The following ATP13A5 variants were observed in gnomAD, a reference collection of about 807,000 sequenced individuals.
The protein encoded by ATP13A5 is probable cation-transporting ATPase 13A5.
ATP13A5 carries 149 observed loss-of-function variants against 150.2 expected under a neutral mutation model. The observed-to-expected ratio is 0.99, with a 90% confidence interval of 0.87 to 1.14. The LOEUF (loss-of-function observed/expected upper bound fraction) is 1.14, where lower values mean the gene tolerates loss of function less well. ATP13A5 is among the 50% of genes most tolerant of loss of function. ATP13A5 has a pLI of 0.00. For synonymous variants in ATP13A5, 497 were observed against 522.2 expected, an observed-to-expected ratio of 0.95 and a Z score of 0.66; for missense variants, 1,383 against 1,449.3, an observed-to-expected ratio of 0.95 and a Z score of 0.74.
intron 27 of ATP13A5, among the ~76,000 whole-genome samples, chr3:193,279,800 T>A (rs1717397652): frequency 6.6e-6 from 1 of 151,944 alleles, no homozygotes. Context: ...CCCCGTTGCC[T>A]GGAGAATAAA....
intron 25 of ATP13A5, among the ~76,000 whole-genome samples, chr3:193,290,345 C>A (rs1218857343): frequency 6.6e-6 from 1 of 151,996 alleles, no homozygotes; most frequent in Admixed American, 6.6e-5. Flanking sequence ...CCTCCATAAC[C>A]AGACTGACCA....
chr3:193,316,782 G>A (rs767915738), intron 17 of ATP13A5, among the ~76,000 whole-genome samples: 52 of 152,070 alleles, frequency 3.4e-4, no homozygotes, highest in Non-Finnish European at 6.3e-4. Flanking sequence ...ATTTCACTCT[G>A]TTATTTCCTT....
Position 193,337,250 on chromosome 3 carries a change from C to CATT in ATP13A5, c.944-2154_944-2152dup, listed in dbSNP as rs1204257577. Among the ~76,000 whole-genome samples, 4 of 152,306 alleles carry CATT rather than the reference C, an allele frequency of 2.6e-5. No individual in the cohort carries two copies. In the East Asian group the frequency reaches 7.7e-4, roughly 29 times the overall value. On this transcript the variant is annotated intron_variant, in intron 9 of 29. Coordinates refer to ENST00000342358, the MANE Select transcript of ATP13A5 (RefSeq NM_198505.4). ...GAAGCTCTTTAGTTTAATTAGATCT[C>CATT]ATTTGTCAATTTTGGCTTTTGTTGC...
chr3:193,346,818 C>T (rs1440321355), intron 7 of ATP13A5, among the ~76,000 whole-genome samples: 5 of 151,974 alleles, frequency 3.3e-5, no homozygotes, highest in Admixed American at 6.6e-5. Flanking sequence ...GTGGAAGAAG[C>T]GATAGTACTG....
intron 22 of ATP13A5, among the ~76,000 whole-genome samples, chr3:193,305,905 G>C (rs142065356): frequency 3.6e-4 from 55 of 152,188 alleles, no homozygotes; most frequent in African/African-American, 1.3e-3. Context: ...ATGCGTGTGT[G>C]CATGTGGGCA....
At chr3:193,342,685 A>G (rs920911508) in intron 9 of ATP13A5, among the ~76,000 whole-genome samples, 2 of 152,132 alleles carry the variant, frequency 1.3e-5, no homozygotes, top group Non-Finnish European at 2.9e-5. Flanking sequence ...GGCAAGTTCT[A>G]TACACCCGCT....
At chr3:193,308,890 T>A (rs2108848613) in intron 21 of ATP13A5, among the ~76,000 whole-genome samples, 1 of 152,382 alleles carries the variant, frequency 6.6e-6, no homozygotes, top group Non-Finnish European at 1.5e-5. Context: ...GTAATGATCA[T>A]GTGAATGAAA....
chr3:193,328,932 A>C (rs1202660468), intron 12 of ATP13A5, among the ~76,000 whole-genome samples: 1 of 152,198 alleles, frequency 6.6e-6, no homozygotes, highest in African/African-American at 2.4e-5. Flanking sequence ...ATTGTGGTTG[A>C]ATCTGCTTTT....
At chr3:193,365,009 T>C (rs757195143) in intron 1 of ATP13A5, among the ~76,000 whole-genome samples, 25 of 152,308 alleles carry the variant, frequency 1.6e-4, no homozygotes, top group Non-Finnish European at 2.6e-4. Context: ...GATTTGCTTA[T>C]TGAAGGCCAA....
intron 1 of ATP13A5, among the ~76,000 whole-genome samples, chr3:193,368,439 T>C (rs4569588): frequency 0.94 from 142,506 of 151,458 alleles, 67,080 homozygotes; most frequent in East Asian, 0.97. Flanking sequence ...GACAACTTGG[T>C]TCTAAAATTG....
At chr3:193,351,957 G>A (rs1460898646) in intron 6 of ATP13A5, among the ~76,000 whole-genome samples, 1 of 152,190 alleles carries the variant, frequency 6.6e-6, no homozygotes, top group African/African-American at 2.4e-5. Context: ...GGGCAAACCT[G>A]AGAAGCCAGA....
At chr3:193,321,962 A>G (rs1719297198) in intron 15 of ATP13A5, 125 bp from the exon 16 acceptor site, 5 of 1,145,318 alleles carry the variant, frequency 4.4e-6, no homozygotes. Flanking sequence ...ATTTGTCACA[A>G]CATTGATTTT....
chr3:193,349,366 C>A (rs1443957706), intron 7 of ATP13A5, among the ~76,000 whole-genome samples: 2 of 152,042 alleles, frequency 1.3e-5, no homozygotes, highest in Admixed American at 6.6e-5. Context: ...AGATATGGAA[C>A]CTGAATGTTT....
At chr3:193,283,967 A>C (rs1276615586) in intron 27 of ATP13A5, among the ~76,000 whole-genome samples, 1 of 150,272 alleles carries the variant, frequency 6.7e-6, no homozygotes, top group Non-Finnish European at 1.5e-5. Flanking sequence ...CAGTCTGATC[A>C]GTAATGATGG....
intron 12 of ATP13A5, among the ~76,000 whole-genome samples, chr3:193,328,848 T>G (rs573099005): frequency 1.3e-5 from 2 of 152,234 alleles, no homozygotes; most frequent in African/African-American, 4.8e-5. Context: ...ATTCAATTAA[T>G]GGCAGAGTGC....
intron 4 of ATP13A5, 24 bp downstream of exon 4, chr3:193,362,543 G>A (rs1713053588): frequency 1.9e-6 from 3 of 1,613,788 alleles, no homozygotes; most frequent in East Asian, 4.5e-5. Flanking sequence ...TCCTGACCAA[G>A]GGGTGACAAA....
chr3:193,310,678 CA>C lies in ATP13A5; in HGVS notation c.2484del (p.Gln830ArgfsTer12). ...TCTTCAATAAGGCTTGATTTCTGCC[CA>C]GGAGACATTCTTGCAAAAACTGTTC... The part of the protein sequence containing the change: ...VNGTVFARMS[P>X]GQKSSLIEEF... On this transcript the variant is annotated frameshift_variant, in exon 21 of 30. Transcript: ENST00000342358. LOFTEE classifies it high-confidence loss of function. 6.2e-7 allele frequency: 1 copy of C among 1,609,486 alleles called. No homozygotes were observed. The highest frequency in any genetic ancestry group is 1.1e-5 in the South Asian group (1 of 89,602).
In ATP13A5 at chr3:193,378,656, G is replaced by A. The variant is rs1445142195; in HGVS notation, c.63+7C>T. The A allele has an allele frequency of 1.9e-6, 3 of 1,612,810 alleles. No homozygotes were observed. ...GAGAAGACTAATAAAATAAAGGGAA[G>A]ACTCACCAGTTCATCCTCCTCTCCC... On this transcript the variant is annotated splice_region_variant and intron_variant, in intron 1 of 29. Coordinates refer to ENST00000342358, the MANE Select transcript of ATP13A5 (RefSeq NM_198505.4).
chr3:193,364,254 A>G lies in ATP13A5; in HGVS notation c.90T>C (p.Asn30=), dbSNP rs1235312588. The G allele has an allele frequency of 9.3e-6, 15 of 1,613,728 alleles. No homozygotes were observed. Among genetic ancestry groups the G allele is most frequent in the South Asian group, 2.2e-5 (2 of 90,994 alleles). ...ELEVFGYRDH[N]VRKAFCLVAS... is the part of the protein sequence containing the mutation. ...CGACAAGGCAGAAGGCTTTCCGTAC[A>G]TTGTGGTCCCGGTAACCAAACACCT... The change falls in exon 2 of 30, where the codon AAT becomes AAC. Residue 30 remains asparagine, a synonymous_variant. Coordinates refer to ENST00000342358, the MANE Select transcript of ATP13A5 (RefSeq NM_198505.4).
Sources: gnomAD v4.1 joint callset for allele counts (sites outside exome capture counted in the v4.1 genomes callset) on GRCh38, gnomAD v4.1.1 for gene constraint, MANE v1.5 for transcripts, NCBI Gene and HGNC (gene_info 2026-07-23, HGNC 2026-07-21) for gene names.